Variants in SFSWAP observed in about 807,000 individuals in gnomAD.
SFSWAP encodes splicing factor, suppressor of white-apricot homolog.
A neutral mutation model predicts 100.7 loss-of-function variants in SFSWAP; 17 were observed. The observed-to-expected ratio is 0.17, with a 90% confidence interval of 0.12 to 0.25. The LOEUF (loss-of-function observed/expected upper bound fraction) is 0.25, where lower values mean the gene tolerates loss of function less well. Ranked by LOEUF, SFSWAP falls within the 10% of genes least tolerant of loss-of-function variation. The pLI is 1.00. For missense variants in SFSWAP, 1,005 were observed against 1,262.6 expected, an observed-to-expected ratio of 0.80 and a Z score of 3.09; for synonymous variants, 504 against 510.1, an observed-to-expected ratio of 0.99 and a Z score of 0.16.
At chr12:131,770,287 G>T (rs913655945) in intron 13 of SFSWAP, among the ~76,000 whole-genome samples, 2 of 152,190 alleles carry the variant, frequency 1.3e-5, no homozygotes, top group African/African-American at 4.8e-5. Flanking sequence ...TTCGGCCACC[G>T]CACGCCCTGG....
rs1879822785 is a variant in SFSWAP, at chr12:131,734,606, A to G, written c.1081+6178A>G. ...GGAGCTCTGTGAGGCAAAGGCTGGG[A>G]CTGTCTTACTAGCCAGCGTGCTCCT... On this transcript the variant is annotated intron_variant, in intron 7 of 17. Coordinates refer to ENST00000261674, the MANE Select transcript of SFSWAP (RefSeq NM_004592.4). This position sits in a 1 kb window ranked among gnomAD's most constrained non-coding sequence, Gnocchi z 4.9. Among the ~76,000 whole-genome samples the G allele has an allele frequency of 6.6e-6, 1 of 152,194 alleles. No individual in the cohort carries two copies.
At chr12:131,746,747 A>ACGAC (rs1881136522) in intron 7 of SFSWAP, among the ~76,000 whole-genome samples, 1 of 152,176 alleles carries the variant, frequency 6.6e-6, no homozygotes, top group Non-Finnish European at 1.5e-5. Context: ...CGGGGTGGGT[A>ACGAC]TGACTTTCCC....
rs770872540 is a variant in SFSWAP at position 131,753,184 on chromosome 12, G to C, written c.1143G>C (p.Ala381=). ...YMLPDGTYCL[A]PPPPGIDVTT... is the part of the protein sequence containing the mutation. ...TACCGGACGGCACTTACTGCCTGGC[G>C]CCGCCCCCTCCCGGAATCGACGTGA... is the stretch of plus-strand genomic sequence containing the variant. Residue 381 remains alanine, a synonymous_variant, in exon 8 of 18, where the codon GCG becomes GCC. Transcript: ENST00000261674. The C allele has an allele frequency of 8.7e-6, 14 of 1,614,138 alleles. No individual in the cohort carries two copies. In the Admixed American group the frequency reaches 1.3e-4, roughly 15 times the overall value.
chr12:131,793,269 A>T (rs1885406658), intron 15 of SFSWAP, among the ~76,000 whole-genome samples: 1 of 151,888 alleles, frequency 6.6e-6, no homozygotes, highest in African/African-American at 2.4e-5. Context: ...TTGTGTGTAG[A>T]GACAGGGTCT....
At chr12:131,797,467 AG>A (rs1885767357) in intron 16 of SFSWAP, 107 bp downstream of exon 16, 10 of 1,051,240 alleles carry the variant, frequency 9.5e-6, no homozygotes, top group Non-Finnish European at 1.2e-5. Context: ...GCCTGTGTCC[AG>A]GGGGCGCCAG....
intron 3 of SFSWAP, among the ~76,000 whole-genome samples, chr12:131,716,740 C>A (rs1877952772): frequency 6.6e-6 from 1 of 152,126 alleles, no homozygotes; most frequent in Non-Finnish European, 1.5e-5. Context: ...ACCATATGGC[C>A]CACAAAACCA....
intron 15 of SFSWAP, among the ~76,000 whole-genome samples, chr12:131,795,110 T>TG (rs2136281848): frequency 6.6e-6 from 1 of 152,366 alleles, no homozygotes; most frequent in South Asian, 2.1e-4. Context: ...AGGTCCCACA[T>TG]GCGTGTGTTG....
In SFSWAP at chr12:131,731,330, C is replaced by T. The variant is rs999776309; in HGVS notation, c.1081+2902C>T. On this transcript the variant is annotated intron_variant, in intron 7 of 17. Transcript: ENST00000261674. The stretch of plus-strand genomic sequence containing the variant: ...GACTCACACGCACCTCCCTGCCTGC[C>T]GTCTTCCTCTGCTACCCTTTGAGTA... Among the ~76,000 whole-genome samples, 15 of 152,338 alleles carry T rather than the reference C, an allele frequency of 9.8e-5. 2 individuals carry two copies. The highest frequency in any genetic ancestry group is 6.8e-3 in the Middle Eastern group (2 of 294).
chr12:131,715,707 G>T (rs768788102), intron 3 of SFSWAP, among the ~76,000 whole-genome samples: 3 of 152,138 alleles, frequency 2.0e-5, no homozygotes, highest in Non-Finnish European at 4.4e-5. Flanking sequence ...AGGATATTCT[G>T]TTTAAAAAGA....
At position 131,749,174 on chromosome 12, in the gene SFSWAP, C is replaced by T. The variant is rs193101924; in HGVS notation, c.1082-3949C>T. 1.8e-4 allele frequency among the ~76,000 whole-genome samples: 27 copies of T among 152,318 alleles called. No homozygotes were observed. In the East Asian group the frequency reaches 5.2e-3, roughly 29 times the overall value. ...CACATTTAAGGCAGGTGAGGCTGTG[C>T]CATGGTGTTCGGTGGGTTATAGGTG... On this transcript the variant is annotated intron_variant, in intron 7 of 17. Transcript: ENST00000261674.
chr12:131,781,916 T>C (rs1419793431), intron 14 of SFSWAP, among the ~76,000 whole-genome samples: 1 of 152,240 alleles, frequency 6.6e-6, no homozygotes, highest in Non-Finnish European at 1.5e-5. Context: ...TTCCAGGTGT[T>C]GGATTGTCTA....
Position 131,711,574 on chromosome 12 carries a change from T to TGGGGGACA in SFSWAP, c.218+127_218+128insGGGGGACA. On this transcript the variant is annotated intron_variant, in intron 1 of 17. Transcript: ENST00000261674. The surrounding 1 kb of genome is among the most constrained non-coding windows in gnomAD (Gnocchi z 4.9). ...CAGCGGGGATCTGGGGGACACCCCC[T>TGGGGGACA]CCCCTGTCCCCACCTCCTCCTGGTG... 1 of 739,966 alleles carries TGGGGGACA rather than the reference T, an allele frequency of 1.4e-6. No homozygotes were observed. The highest frequency in any genetic ancestry group is 2.2e-6 in the Non-Finnish European group (1 of 448,070). 45.8% of individuals were successfully genotyped at this position (739,966 alleles called of 1,614,324 possible).
In SFSWAP at chr12:131,766,230, G is replaced by C. The variant is rs201232698; in HGVS notation, c.2064G>C (p.Ala688=). Residue 688 remains alanine (A), a synonymous_variant, in exon 13 of 18, where the codon GCG becomes GCC. Transcript: ENST00000261674. The part of the protein sequence containing the change: ...QLQAERKRKA[A]LFLQTLKNPL... ...AAGCAGAACGTAAAAGGAAAGCGGC[G>C]TTATTTTTACAGACCCTCAAAAATC... 11 of 1,614,194 alleles carry C rather than the reference G, an allele frequency of 6.8e-6. No homozygotes were observed. Among genetic ancestry groups the C allele is most frequent in the South Asian group, 2.2e-5 (2 of 91,092 alleles).
At chr12:131,745,754 C>CT (rs543730565) in intron 7 of SFSWAP, among the ~76,000 whole-genome samples, 3,799 of 123,524 alleles carry the variant, frequency 0.031, 72 homozygotes, top group Admixed American at 0.073. Context: ...TTTAGTAAGG[C>CT]TTTTTTTTTT....
At chr12:131,798,719 G>A (rs1295558015) in intron 16 of SFSWAP, among the ~76,000 whole-genome samples, 6 of 151,974 alleles carry the variant, frequency 3.9e-5, no homozygotes, top group Non-Finnish European at 5.9e-5. Context: ...GTGAAACCCC[G>A]TCCCTACTGA....
At chr12:131,758,471 T>A (rs144426826) in intron 11 of SFSWAP, among the ~76,000 whole-genome samples, 2 of 152,210 alleles carry the variant, frequency 1.3e-5, no homozygotes, top group African/African-American at 2.4e-5. Context: ...GACAGAAATG[T>A]CATTGCGCCC....
chr12:131,770,352 C>T (rs1386583012), intron 13 of SFSWAP, among the ~76,000 whole-genome samples: 2 of 152,172 alleles, frequency 1.3e-5, no homozygotes, highest in Admixed American at 1.3e-4. Context: ...TCATGGCACC[C>T]CCAGGTCTGT....
At chr12:131,745,719 T>C (rs1438954397) in intron 7 of SFSWAP, among the ~76,000 whole-genome samples, 1 of 150,750 alleles carries the variant, frequency 6.6e-6, no homozygotes, top group Admixed American at 6.6e-5. Flanking sequence ...TTCAGGGATC[T>C]GCATCTTCAG....
chr12:131,769,889 C>T (rs1171053763), intron 13 of SFSWAP, among the ~76,000 whole-genome samples: 1 of 152,174 alleles, frequency 6.6e-6, no homozygotes, highest in Non-Finnish European at 1.5e-5. Context: ...TCTCACCTCT[C>T]CTGTTTGCAG....
Sources: gnomAD v4.1 joint callset for allele counts (sites outside exome capture counted in the v4.1 genomes callset) on GRCh38, gnomAD v4.1.1 for gene constraint, Gnocchi (gnomAD v3.1) non-coding constraint, MANE v1.5 for transcripts, NCBI Gene and HGNC (gene_info 2026-07-23, HGNC 2026-07-21) for gene names.